KDM6A: variants seen among roughly 807,000 people sequenced by gnomAD.
KDM6A encodes the protein lysine demethylase 6A, also known as lysine-specific demethylase 6A.
In KDM6A, 11 loss-of-function variants were observed where a neutral mutation model predicts 117.6. The ratio of observed to expected loss-of-function variants is 0.09; its 90% CI spans 0.06 to 0.15. KDM6A has a LOEUF of 0.15. Among genes scored for constraint, KDM6A ranks in the 10% least tolerant of loss-of-function variants. The pLI is 1.00. For synonymous variants in KDM6A, 384 were observed against 396.1 expected (o/e 0.97, Z 0.36); for missense variants, 799 against 1,077.3 (o/e 0.74, Z 3.62).
chrX:45,071,872 C>T (rs1238931153), intron 18 of KDM6A, among the ~76,000 whole-genome samples: 1 of 110,916 alleles, frequency 9.0e-6, no homozygotes, highest in African/African-American at 3.3e-5. Context: ...CAGGTTCAAG[C>T]GATTCTCCTG....
At chrX:45,021,753 C>T (rs1484652937) in intron 6 of KDM6A, among the ~76,000 whole-genome samples, 1 of 111,372 alleles carries the variant, frequency 9.0e-6, no homozygotes, top group African/African-American at 3.3e-5. Flanking sequence ...CAGTAGATTG[C>T]GAAGAATTTA....
chrX:45,018,650 C>T (rs1310017061), intron 5 of KDM6A, among the ~76,000 whole-genome samples: 1 of 111,692 alleles, frequency 9.0e-6, no homozygotes, highest in African/African-American at 3.3e-5. Context: ...TACTGTGTTC[C>T]TTCTCCTTCT....
intron 25 of KDM6A, 115 bp from the exon 26 acceptor site, chrX:45,089,628 T>C: frequency 1.8e-6 from 1 of 547,058 alleles, no homozygotes; most frequent in South Asian, 2.6e-5. Context: ...CAAGCAATTA[T>C]GTTTCAATAA....
At chrX:44,914,026 G>A (rs1042028173) in intron 2 of KDM6A, among the ~76,000 whole-genome samples, 12 of 112,112 alleles carry the variant, frequency 1.1e-4, no homozygotes, top group Non-Finnish European at 1.3e-4. Flanking sequence ...CAGTAGGATC[G>A]ATGTGTCAGG....
At chrX:45,055,513 A>G (rs182197027) in intron 10 of KDM6A, among the ~76,000 whole-genome samples, 16 of 111,961 alleles carry the variant, frequency 1.4e-4, no homozygotes, top group African/African-American at 4.9e-4. Flanking sequence ...GATTGCTTCT[A>G]AATAAAGCTG....
chrX:45,077,866 A>G (rs1036431374), intron 19 of KDM6A, among the ~76,000 whole-genome samples: 6 of 111,285 alleles, frequency 5.4e-5, no homozygotes, highest in African/African-American at 1.3e-4. Context: ...TTGGTGTCCA[A>G]CCAATCTCCA....
chrX:44,875,189 CT>C (rs2031373893), intron 2 of KDM6A, among the ~76,000 whole-genome samples: 1 of 112,297 alleles, frequency 8.9e-6, no homozygotes, highest in African/African-American at 3.2e-5. Flanking sequence ...CATTTGACAC[CT>C]AGCTTTATTG....
chrX:45,014,528 GTC>G, intron 5 of KDM6A, among the ~76,000 whole-genome samples: 1 of 111,960 alleles, frequency 8.9e-6, no homozygotes, highest in Non-Finnish European at 1.9e-5. Context: ...CTAGAAACCA[GTC>G]TCTAAAAAGC....
chrX:44,958,581 CTG>C (rs2038479166), intron 2 of KDM6A, among the ~76,000 whole-genome samples: 1 of 90,410 alleles, frequency 1.1e-5, no homozygotes, highest in East Asian at 3.8e-4. Context: ...AAGGAAGATT[CTG>C]TGTGGGACAA....
chrX:44,927,964 T>C (rs1269330978), intron 2 of KDM6A, among the ~76,000 whole-genome samples: 1 of 110,891 alleles, frequency 9.0e-6, no homozygotes, highest in Non-Finnish European at 1.9e-5. Context: ...CTCGAGTTGT[T>C]ATATTATGGA....
intron 8 of KDM6A, among the ~76,000 whole-genome samples, chrX:45,041,407 G>T (rs1483014808): frequency 2.0e-5 from 2 of 101,641 alleles, no homozygotes. Flanking sequence ...CTCCCGGACG[G>T]GGCAGCTGGC....
At chrX:45,036,988 G>A (rs1010349523) in intron 7 of KDM6A, among the ~76,000 whole-genome samples, 2 of 112,453 alleles carry the variant, frequency 1.8e-5, no homozygotes, top group African/African-American at 3.2e-5. Flanking sequence ...TCACTCAAAC[G>A]GGAGAGCATA....
At chrX:44,892,049 A>G (rs777520635) in intron 2 of KDM6A, among the ~76,000 whole-genome samples, 2 of 112,422 alleles carry the variant, frequency 1.8e-5, no homozygotes, top group South Asian at 7.3e-4. Context: ...AGGTCTTTCA[A>G]TAAATTTTGC....
chrX:44,919,641 CTTTT>C (rs1204126878), intron 2 of KDM6A, among the ~76,000 whole-genome samples: 1 of 91,580 alleles, frequency 1.1e-5, no homozygotes, highest in Non-Finnish European at 2.1e-5. Flanking sequence ...CAATATATAT[CTTTT>C]TTTTTTTTTT....
chrX:44,911,485 C>T (rs746742420), intron 2 of KDM6A, among the ~76,000 whole-genome samples: 76 of 109,781 alleles, frequency 6.9e-4, no homozygotes, highest in Admixed American at 1.1e-3. Context: ...CAGGCAGAGA[C>T]GCTCCTCACT....
At chrX:44,928,653 TAAG>T (rs1569448462) in intron 2 of KDM6A, among the ~76,000 whole-genome samples, 1 of 111,640 alleles carries the variant, frequency 9.0e-6, no homozygotes, top group Non-Finnish European at 1.9e-5. Context: ...TTGATAATAA[TAAG>T]GAGACGGGGA....
chrX:44,967,189 G>A (rs890192744), intron 3 of KDM6A, among the ~76,000 whole-genome samples: 14 of 111,180 alleles, frequency 1.3e-4, no homozygotes, highest in African/African-American at 4.6e-4. Context: ...TTCTCTATCT[G>A]TTCTCTTCAT....
chrX:45,019,625 A>G (rs1307986278), intron 5 of KDM6A, among the ~76,000 whole-genome samples: 1 of 111,794 alleles, frequency 8.9e-6, no homozygotes, highest in African/African-American at 3.2e-5. Flanking sequence ...TAAGGTCTGT[A>G]GGGGTAGAGA....
chrX:44,936,708 C>T (rs1248448953), intron 2 of KDM6A, among the ~76,000 whole-genome samples: 1 of 111,986 alleles, frequency 8.9e-6, no homozygotes, highest in East Asian at 2.8e-4. Context: ...ACATGAAATT[C>T]ATTTATGTTT....
Sources: allele counts gnomAD v4.1 joint callset (sites outside exome capture counted in the v4.1 genomes callset), GRCh38; gene constraint gnomAD v4.1.1; transcripts MANE v1.5; gene names NCBI Gene and HGNC (gene_info 2026-07-23, HGNC 2026-07-21).